The following B3GALT5 variants were observed in gnomAD, a reference collection of about 807,000 sequenced individuals.
B3GALT5 encodes beta-1,3-galactosyltransferase 5.
For synonymous variants in B3GALT5, 156 were observed against 158.6 expected (o/e 0.98, Z 0.12); for missense variants, 328 against 396.6 (o/e 0.83, Z 1.47).
At chr21:39,660,437 G>C in intron 3 of B3GALT5, 123 bp from the exon 4 acceptor site, 1 of 760,666 alleles carries the variant, frequency 1.3e-6, no homozygotes, top group Admixed American at 3.0e-5. Context: ...CCCGACTTCT[G>C]TATGCAGCGA....
intron 1 of B3GALT5, among the ~76,000 whole-genome samples, chr21:39,630,924 A>G (rs2079188740): frequency 6.6e-6 from 1 of 152,134 alleles, no homozygotes; most frequent in Non-Finnish European, 1.5e-5. Flanking sequence ...ATTGGGGGAA[A>G]AATTATATGG....
At chr21:39,650,063 C>G (rs1272834690) in intron 2 of B3GALT5, among the ~76,000 whole-genome samples, 1 of 152,084 alleles carries the variant, frequency 6.6e-6, no homozygotes, top group Admixed American at 6.5e-5. Flanking sequence ...GTCGTGGAAC[C>G]CCCAGCACCT....
rs1184866141 is a variant in B3GALT5 at position 39,672,668 on chromosome 21, G to A, written c.*11176G>A. 1 of 152,192 alleles carries A rather than the reference G, an allele frequency of 6.6e-6. No homozygotes were observed. The highest frequency in any genetic ancestry group is 1.5e-5 in the Non-Finnish European group (1 of 68,036). 9.4% of individuals were successfully genotyped at this position (152,192 alleles called of 1,614,324 possible). A position where few individuals can be genotyped will look rare whatever the true frequency, so the allele number is the denominator to read the frequency against. On this transcript the variant is annotated 3_prime_UTR_variant, in exon 4 of 4. Coordinates refer to ENST00000684187, the MANE Select transcript of B3GALT5 (RefSeq NM_001356336.2). ...TTCCCGAAAAATTGGCAAGGTAATG[G>A]TCTGAATCGGACAATCCTTTTGTTT...
chr21:39,659,732 CTCT>C lies in B3GALT5; in HGVS notation c.-160-19_-160-17del. ...TAAGGCACGAGTGATTTGAATGACA[CTCT>C]TTTTTTTTTTTTCCTAGTGATTCCT... On this transcript the variant is annotated intron_variant, in intron 2 of 3. Coordinates refer to ENST00000684187, the MANE Select transcript of B3GALT5 (RefSeq NM_001356336.2). 2.0e-6 allele frequency: 2 copies of C among 979,962 alleles called. No homozygotes were observed. The highest frequency in any genetic ancestry group is 2.4e-6 in the Non-Finnish European group (2 of 825,544). 60.7% of individuals were successfully genotyped at this position (979,962 alleles called of 1,614,324 possible).
At chr21:39,613,635 T>C (rs531600630) in intron 1 of B3GALT5, among the ~76,000 whole-genome samples, 4 of 152,318 alleles carry the variant, frequency 2.6e-5, no homozygotes, top group African/African-American at 9.6e-5. Context: ...GTAATGAACA[T>C]TATTTTAAAA....
chr21:39,639,331 TTTCTTTCTTTCTTTCTTTCCTTCCTTCC>T (rs1158655065), intron 1 of B3GALT5, among the ~76,000 whole-genome samples: 1 of 120,028 alleles, frequency 8.3e-6, no homozygotes, highest in African/African-American at 3.3e-5. Flanking sequence ...TCTTTCTTTC[TTTCTTTCTTTCTTTCTTTCCTTCCTTCC>T]TTCCTTCCTT....
chr21:39,639,288 CTCTT>C (rs71184689), intron 1 of B3GALT5, among the ~76,000 whole-genome samples: 1,453 of 98,412 alleles, frequency 0.015, 56 homozygotes, highest in East Asian at 0.029. Flanking sequence ...AGGCATCTGG[CTCTT>C]TCTTTCTTTC....
chr21:39,614,263 T>G (rs1466682388), intron 1 of B3GALT5, among the ~76,000 whole-genome samples: 1 of 152,214 alleles, frequency 6.6e-6, no homozygotes, highest in Non-Finnish European at 1.5e-5. Flanking sequence ...TGCATGTGTA[T>G]TAAGTCTTGT....
intron 2 of B3GALT5, among the ~76,000 whole-genome samples, chr21:39,651,478 T>A (rs2079394890): frequency 6.6e-6 from 1 of 152,226 alleles, no homozygotes; most frequent in African/African-American, 2.4e-5. Context: ...CTGTGTTTTC[T>A]CTGTTTGTGA....
chr21:39,646,670 C>A (rs2079342839), intron 2 of B3GALT5, 48 bp downstream of exon 2: 1 of 151,900 alleles, frequency 6.6e-6, no homozygotes, highest in Non-Finnish European at 1.5e-5. Flanking sequence ...AAATACAATC[C>A]CAATAATTAA....
intron 2 of B3GALT5, among the ~76,000 whole-genome samples, chr21:39,654,726 C>G (rs568913144): frequency 6.6e-6 from 1 of 152,196 alleles, no homozygotes; most frequent in South Asian, 2.1e-4. Context: ...CAACCATGAC[C>G]CTGATCAGTC....
intron 2 of B3GALT5, chr21:39,657,326 T>A (rs1386040122): frequency 1.3e-5 from 2 of 152,256 alleles, no homozygotes; most frequent in Non-Finnish European, 2.9e-5. Flanking sequence ...ATCCATTGAC[T>A]GGGCCCAGAT....
rs546392987 is a variant in B3GALT5 at position 39,616,675 on chromosome 21, C to T, written c.-392+3608C>T. 1.4e-4 allele frequency among the ~76,000 whole-genome samples: 21 copies of T among 152,272 alleles called. No individual in the cohort carries two copies. The South Asian group carries it at 3.1e-3, about 23-fold the overall frequency. ...GATTGCTTCTCTCCTATGTGAACAT[C>T]GTTTCCTTCCCAGAGCTTCCTTTGG... On this transcript the variant is annotated intron_variant, in intron 1 of 3. Transcript: ENST00000684187.
rs781050314 is a variant in B3GALT5, at chr21:39,661,104, G to A, written c.545G>A (p.Gly182Asp). 6.2e-7 allele frequency: 1 copy of A among 1,614,074 alleles called. No individual in the cohort carries two copies. The highest frequency in any genetic ancestry group is 2.2e-5 in the East Asian group (1 of 44,880). Residue 182 changes from glycine (G) to aspartate (D), a missense_variant, in exon 4 of 4, where the codon GGC becomes GAC. Transcript: ENST00000684187. The surrounding 1 kb of genome is among the most constrained non-coding windows in gnomAD (Gnocchi z 4.7). ...AACAGAACAACCAGGTTTTTCACTG[G>A]CTTCTTGAAACTCAATGAGTTTCCC... is the stretch of plus-strand genomic sequence containing the variant. ...KKNRTTRFFT[G>D]FLKLNEFPIR...
chr21:39,652,956 T>C (rs893702804), intron 2 of B3GALT5, among the ~76,000 whole-genome samples: 1 of 152,216 alleles, frequency 6.6e-6, no homozygotes, highest in Non-Finnish European at 1.5e-5. Context: ...TTTAAAAATA[T>C]TAACATGGTA....
At chr21:39,637,890 G>A (rs547454014) in intron 1 of B3GALT5, among the ~76,000 whole-genome samples, 129 of 152,332 alleles carry the variant, frequency 8.5e-4, no homozygotes, top group South Asian at 4.6e-3. Context: ...GCCCTTTGGG[G>A]ACATTTTGAA....
intron 2 of B3GALT5, among the ~76,000 whole-genome samples, chr21:39,652,536 G>A (rs1438492810): frequency 3.3e-5 from 5 of 152,220 alleles, no homozygotes; most frequent in African/African-American, 1.2e-4. Flanking sequence ...GTGAACCAGG[G>A]CCTTCTGATT....
intron 1 of B3GALT5, among the ~76,000 whole-genome samples, chr21:39,637,215 C>T (rs2091240): frequency 0.032 from 4,927 of 152,308 alleles, 282 homozygotes; most frequent in African/African-American, 0.11. Context: ...TTTCTAGGGG[C>T]ATTGTGGCAG....
intron 2 of B3GALT5, among the ~76,000 whole-genome samples, chr21:39,647,969 C>T (rs1286776398): frequency 1.3e-5 from 2 of 152,128 alleles, no homozygotes; most frequent in Non-Finnish European, 2.9e-5. Context: ...TAATTGGCAG[C>T]CCTATTAATG....
Sources: allele counts gnomAD v4.1 joint callset (sites outside exome capture counted in the v4.1 genomes callset), GRCh38; gene constraint gnomAD v4.1.1; non-coding constraint Gnocchi (gnomAD v3.1); transcripts MANE v1.5; gene names NCBI Gene and HGNC (gene_info 2026-07-23, HGNC 2026-07-21).